TENM3: variants seen among roughly 807,000 people sequenced by gnomAD.
The protein encoded by TENM3 is teneurin-3.
A neutral mutation model predicts 255.1 loss-of-function variants in TENM3; 63 were observed. That is an observed-to-expected ratio of 0.25 (90% CI 0.20 to 0.30). TENM3 has a LOEUF of 0.30. TENM3 is among the 10% of genes least tolerant of loss of function. The pLI, the probability that TENM3 is intolerant of heterozygous loss-of-function variation, is 1.00. For synonymous variants in TENM3, 1,306 were observed against 1,322.3 expected (o/e 0.99, Z 0.27); for missense variants, 2,929 against 3,461.1 (o/e 0.85, Z 3.86).
the TENM3 span, among the ~76,000 whole-genome samples, chr4:181,546,265 G>A: frequency 0.03 from 4,498 of 152,126 alleles, 154 homozygotes; most frequent in African/African-American, 0.074. Flanking sequence ...CTTCTTCATG[G>A]CCATTGATTA....
the TENM3 span, among the ~76,000 whole-genome samples, chr4:181,769,519 A>C: frequency 6.6e-6 from 1 of 152,222 alleles, no homozygotes; most frequent in Non-Finnish European, 1.5e-5. Flanking sequence ...TACAGTTAGC[A>C]CTTAATAAAA....
intron 3 of TENM3, among the ~76,000 whole-genome samples, chr4:182,365,378 A>T (rs937906125): frequency 2.0e-5 from 3 of 152,160 alleles, no homozygotes; most frequent in African/African-American, 7.2e-5. Flanking sequence ...TGGTTGCAGG[A>T]CCTTTTGTAT....
At chr4:182,038,036 C>A in the TENM3 span, among the ~76,000 whole-genome samples, 4 of 152,122 alleles carry the variant, frequency 2.6e-5, no homozygotes, top group Admixed American at 6.5e-5. Context: ...AACAAACAAA[C>A]ACCTCTCATT....
chr4:182,226,950 A>G (rs934997818), intron 1 of TENM3, among the ~76,000 whole-genome samples: 33 of 152,180 alleles, frequency 2.2e-4, no homozygotes, highest in African/African-American at 7.7e-4. Context: ...GTAGAGCTGC[A>G]ACAGTGCCTA....
the TENM3 span, among the ~76,000 whole-genome samples, chr4:182,029,406 A>T: frequency 6.6e-6 from 1 of 152,196 alleles, no homozygotes; most frequent in Non-Finnish European, 1.5e-5. Context: ...AGTTTGGAAC[A>T]TCTGTCAATG....
At chr4:181,657,120 A>G in the TENM3 span, among the ~76,000 whole-genome samples, 19 of 152,208 alleles carry the variant, frequency 1.2e-4, no homozygotes, top group African/African-American at 4.1e-4. Context: ...AAGAGTCTGT[A>G]TGTGGACAGA....
chr4:181,915,578 GATT>G, the TENM3 span, among the ~76,000 whole-genome samples: 11 of 149,580 alleles, frequency 7.4e-5, no homozygotes, highest in South Asian at 8.6e-4. Flanking sequence ...ATTTGGAAGA[GATT>G]ATGTTAAACG....
upstream of TENM3, chr4:182,144,612 C>T (rs1749770554): frequency 6.7e-6 from 1 of 148,956 alleles, no homozygotes; most frequent in Non-Finnish European, 1.5e-5. Context: ...CCCGCCGGCG[C>T]CCGCTCCCCG....
chr4:181,672,104 A>G, the TENM3 span, among the ~76,000 whole-genome samples: 1 of 152,192 alleles, frequency 6.6e-6, no homozygotes, highest in Non-Finnish European at 1.5e-5. Context: ...ATATACTGCA[A>G]ATATGTACTA....
At chr4:181,595,431 A>C in the TENM3 span, among the ~76,000 whole-genome samples, 6 of 120,220 alleles carry the variant, frequency 5.0e-5, no homozygotes, top group African/African-American at 9.3e-5. Flanking sequence ...ACTCCATCCC[A>C]AAAAAAAAAA....
At chr4:182,661,743 A>G (rs74401131) in intron 6 of TENM3, among the ~76,000 whole-genome samples, 7,885 of 152,254 alleles carry the variant, frequency 0.052, 300 homozygotes, top group East Asian at 0.13. Context: ...CTGATTGTCT[A>G]CAAATGCCCA....
chr4:181,648,490 G>C, the TENM3 span, among the ~76,000 whole-genome samples: 1 of 152,124 alleles, frequency 6.6e-6, no homozygotes, highest in Middle Eastern at 3.2e-3. Flanking sequence ...CAACAAAACA[G>C]AATTAGCTTT....
chr4:181,745,734 A>G, the TENM3 span, among the ~76,000 whole-genome samples: 1 of 152,186 alleles, frequency 6.6e-6, no homozygotes, highest in African/African-American at 2.4e-5. Flanking sequence ...AGGATTGTGG[A>G]GAAGCTCTGA....
At chr4:182,136,151 GA>G in the TENM3 span, among the ~76,000 whole-genome samples, 16 of 146,276 alleles carry the variant, frequency 1.1e-4, no homozygotes, top group Admixed American at 6.2e-4. Flanking sequence ...AGCTGGTATG[GA>G]AAAAAAAAAC....
At chr4:181,665,952 AT>A in the TENM3 span, among the ~76,000 whole-genome samples, 4 of 152,110 alleles carry the variant, frequency 2.6e-5, no homozygotes, top group African/African-American at 7.2e-5. Flanking sequence ...TTACACCTAT[AT>A]ATTGGTCTTC....
chr4:181,808,088 G>A, the TENM3 span, among the ~76,000 whole-genome samples: 9 of 152,206 alleles, frequency 5.9e-5, no homozygotes, highest in Non-Finnish European at 1.3e-4. Flanking sequence ...CTGCCTTCCA[G>A]TGCCTAACCA....
chr4:182,680,116 C>G, intron 8 of TENM3, 132 bp from the exon 9 acceptor site: 1 of 757,696 alleles, frequency 1.3e-6, no homozygotes. Flanking sequence ...CTTTGAAAAT[C>G]TGCATTTGAA....
At chr4:181,553,598 C>T in the TENM3 span, among the ~76,000 whole-genome samples, 5 of 151,866 alleles carry the variant, frequency 3.3e-5, no homozygotes, top group South Asian at 2.1e-4. Context: ...CCTGCCACCA[C>T]GCCCGGCTAA....
chr4:182,314,234 G>C (rs898928916), intron 1 of TENM3, among the ~76,000 whole-genome samples: 2 of 152,000 alleles, frequency 1.3e-5, no homozygotes, highest in African/African-American at 4.8e-5. Context: ...CTGGGAGGCG[G>C]AGCTTGCAGT....
Sources: allele counts gnomAD v4.1 joint callset (sites outside exome capture counted in the v4.1 genomes callset), GRCh38; gene constraint gnomAD v4.1.1; transcripts MANE v1.5; gene names NCBI Gene and HGNC (gene_info 2026-07-23, HGNC 2026-07-21).